Variants in CERKL observed in about 807,000 individuals in gnomAD.
The protein encoded by CERKL is ceramide kinase-like protein.
Under a neutral mutation model 63.4 loss-of-function variants are expected in CERKL, and 61 were observed. The observed-to-expected ratio is 0.96, with a 90% CI of 0.78 to 1.19. CERKL has a LOEUF of 1.19. Ranked by LOEUF, CERKL falls within the 50% of genes most tolerant of loss-of-function variation. The pLI is 0.00. For synonymous variants in CERKL, 250 were observed against 230.5 expected (o/e 1.08, Z -0.77); for missense variants, 675 against 655.5 (o/e 1.03, Z -0.33).
chr2:181,577,829 A>G (rs1355524567), intron 2 of CERKL, among the ~76,000 whole-genome samples: 1 of 152,114 alleles, frequency 6.6e-6, no homozygotes, highest in Non-Finnish European at 1.5e-5. Flanking sequence ...ATAGAGCTCT[A>G]AGAACTTGTC....
chr2:181,540,935 T>G (rs1687478929), intron 11 of CERKL, among the ~76,000 whole-genome samples: 1 of 152,074 alleles, frequency 6.6e-6, no homozygotes, highest in Non-Finnish European at 1.5e-5. Context: ...ACATATAAGA[T>G]TTAGCCTGGA....
At chr2:181,552,109 A>T (rs907520760) in intron 5 of CERKL, among the ~76,000 whole-genome samples, 2 of 152,216 alleles carry the variant, frequency 1.3e-5, no homozygotes, top group Non-Finnish European at 2.9e-5. Context: ...ACTTAAACTC[A>T]TAAAAGCGAA....
rs117262140 is a variant in CERKL, at chr2:181,575,189, C to G, written c.482-1305G>C. On this transcript the variant is annotated intron_variant, in intron 2 of 12. Transcript: ENST00000410087. ...GCATGCTGGCTGTCCTCCCCTTCCA[C>G]TGCATCCTTTGGCATCACAGCTCTG... Among the ~76,000 whole-genome samples, 18 of 152,326 alleles carry G rather than the reference C, an allele frequency of 1.2e-4. No homozygotes were observed. In the East Asian group the frequency reaches 3.5e-3, roughly 29 times the overall value.
At chr2:181,581,375 G>A (rs1284398374) in intron 2 of CERKL, among the ~76,000 whole-genome samples, 1 of 152,134 alleles carries the variant, frequency 6.6e-6, no homozygotes, top group African/African-American at 2.4e-5. Context: ...TTGATTCATA[G>A]ACCCCTGTAT....
Position 181,537,625 on chromosome 2 carries a change from T to C in CERKL, c.*559A>G, listed in dbSNP as rs1220984686. On this transcript the variant is annotated 3_prime_UTR_variant, in exon 13 of 13. Transcript: ENST00000410087. ...AATATAGGAAATTTAACATAATTGA[T>C]GAGCTCAAATCCTGAAAAATGAAAG... 1 of 433,004 alleles carries C rather than the reference T, an allele frequency of 2.3e-6. No homozygotes were observed. Among genetic ancestry groups the C allele is most frequent in the African/African-American group, 2.1e-5 (1 of 48,610 alleles). The allele number at this position is 433,004 out of a possible 1,614,324, so 26.8% of individuals were successfully genotyped here.
chr2:181,568,219 T>C (rs1026815598), intron 3 of CERKL, among the ~76,000 whole-genome samples: 1 of 152,162 alleles, frequency 6.6e-6, no homozygotes, highest in Non-Finnish European at 1.5e-5. Flanking sequence ...CATTTCTTGG[T>C]TTGGTGATAA....
At chr2:181,637,676 T>C (rs1025782719) in intron 1 of CERKL, among the ~76,000 whole-genome samples, 1 of 152,162 alleles carries the variant, frequency 6.6e-6, no homozygotes, top group African/African-American at 2.4e-5. Context: ...ACATAAAAGC[T>C]ATACTTCCTA....
intron 5 of CERKL, among the ~76,000 whole-genome samples, chr2:181,552,461 C>T (rs1003666678): frequency 6.6e-6 from 1 of 152,164 alleles, no homozygotes; most frequent in African/African-American, 2.4e-5. Context: ...TTCCTGCCAC[C>T]TTGTGAAGAA....
intron 6 of CERKL, 111 bp downstream of exon 6, chr2:181,549,523 T>C (rs935258968): frequency 2.3e-6 from 2 of 860,304 alleles, no homozygotes; most frequent in African/African-American, 3.3e-5. Context: ...TTCTCTACTC[T>C]AAGAGACAAA....
At chr2:181,639,853 T>C (rs948894704) in intron 1 of CERKL, among the ~76,000 whole-genome samples, 7 of 152,192 alleles carry the variant, frequency 4.6e-5, no homozygotes, top group Admixed American at 4.6e-4. Flanking sequence ...ATAAGATACT[T>C]AGCACAGAAC....
chr2:181,607,173 C>G (rs1685754525), intron 1 of CERKL, among the ~76,000 whole-genome samples: 1 of 152,198 alleles, frequency 6.6e-6, no homozygotes, highest in Admixed American at 6.5e-5. Context: ...TCCACCGTAT[C>G]CTTGGAGAGA....
At chr2:181,568,318 T>C (rs1443857524) in intron 3 of CERKL, among the ~76,000 whole-genome samples, 2 of 152,180 alleles carry the variant, frequency 1.3e-5, no homozygotes, top group African/African-American at 4.8e-5. Flanking sequence ...ACAGAATCCA[T>C]TATGTATACC....
At chr2:181,636,888 A>G (rs1399835224) in intron 1 of CERKL, among the ~76,000 whole-genome samples, 1 of 152,224 alleles carries the variant, frequency 6.6e-6, no homozygotes, top group Non-Finnish European at 1.5e-5. Context: ...AGTTGCACAC[A>G]AAATAGATCA....
Position 181,539,063 on chromosome 2 carries a change from A to AC in CERKL, c.1538+28dup. The AC allele has an allele frequency of 3.0e-6, 3 of 983,624 alleles. No individual in the cohort carries two copies. In the South Asian group the frequency reaches 5.3e-5, roughly 17 times the overall value. 60.9% of individuals were successfully genotyped at this position (983,624 alleles called of 1,614,324 possible). A position where few individuals can be genotyped will look rare whatever the true frequency, so the allele number is the denominator to read the frequency against. ...ATATTAGATTTATGTTTACTGGTTG[A>AC]CAATAAGCGGTGAAATAAATAGACT... is the stretch of plus-strand genomic sequence containing the variant. On this transcript the variant is annotated intron_variant, in intron 12 of 12. Coordinates refer to ENST00000410087, the MANE Select transcript of CERKL (RefSeq NM_201548.5).
At position 181,538,200 on chromosome 2, in the gene CERKL, T is replaced by C; in HGVS notation, c.1583A>G (p.Glu528Gly). Reference protein sequence around the residue: ...LISLYGGSMEEMIPK With the variant: ...LISLYGGSMEGMIPK ...AATTACATGTTACTTTGGAATCATTTCTTCCATGCTTCCTCCATAAAGACT... is the reference window on the plus strand; with the variant it reads ...AATTACATGTTACTTTGGAATCATTCCTTCCATGCTTCCTCCATAAAGACT... Residue 528 changes from glutamate (E) to glycine (G), a missense_variant, in exon 13 of 13, where the codon GAA (glutamate) becomes GGA (glycine). Transcript: ENST00000410087. 2 of 1,582,368 alleles carry C rather than the reference T, an allele frequency of 1.3e-6. No individual in the cohort carries two copies. Among genetic ancestry groups the C allele is most frequent in the Non-Finnish European group, 1.7e-6 (2 of 1,152,384 alleles).
chr2:181,636,352 T>C (rs1036977813), intron 1 of CERKL, among the ~76,000 whole-genome samples: 1 of 152,064 alleles, frequency 6.6e-6, no homozygotes, highest in African/African-American at 2.4e-5. Context: ...CATCCAGGCT[T>C]ACCTTGCCAT....
intron 1 of CERKL, among the ~76,000 whole-genome samples, chr2:181,643,742 T>A (rs1299585135): frequency 6.6e-6 from 1 of 152,210 alleles, no homozygotes. Flanking sequence ...GGCATCTCTG[T>A]CACAGAGATC....
chr2:181,548,880 A>C (rs896807298), intron 6 of CERKL, 23 bp from the exon 7 acceptor site: 3 of 1,598,492 alleles, frequency 1.9e-6, no homozygotes, highest in Admixed American at 1.7e-5. Flanking sequence ...ATTAAATATT[A>C]ATCAGTGAGT....
At chr2:181,538,307 T>C in intron 12 of CERKL, 63 bp from the exon 13 acceptor site, 1 of 935,270 alleles carries the variant, frequency 1.1e-6, no homozygotes, top group East Asian at 2.4e-5. Flanking sequence ...ACCTAATAAG[T>C]ATGGTACACA....
Sources: allele counts gnomAD v4.1 joint callset (sites outside exome capture counted in the v4.1 genomes callset), GRCh38; gene constraint gnomAD v4.1.1; transcripts MANE v1.5; gene names NCBI Gene and HGNC (gene_info 2026-07-23, HGNC 2026-07-21).